PDE10A: variants seen among roughly 807,000 people sequenced by gnomAD.
The protein encoded by PDE10A is cAMP and cAMP-inhibited cGMP 3',5'-cyclic phosphodiesterase 10A.
A neutral mutation model predicts 97.7 loss-of-function variants in PDE10A; 39 were observed. That is an observed-to-expected ratio of 0.40 (90% CI 0.31 to 0.52). The LOEUF (loss-of-function observed/expected upper bound fraction) is 0.52, where lower values mean the gene tolerates loss of function less well. PDE10A is among the 20% of genes least tolerant of loss of function. PDE10A has a pLI of 0.56. For missense variants in PDE10A, 731 were observed against 1,047.8 expected (o/e 0.70, Z 4.17); for synonymous variants, 371 against 376.8 (o/e 0.98, Z 0.18).
At chr6:165,380,823 T>A (rs1352920740) in intron 17 of PDE10A, among the ~76,000 whole-genome samples, 1 of 152,220 alleles carries the variant, frequency 6.6e-6, no homozygotes, top group Non-Finnish European at 1.5e-5. Context: ...GAAGGAAATA[T>A]TGATTCATGC....
intron 1 of PDE10A, among the ~76,000 whole-genome samples, chr6:165,726,986 C>T (rs375790979): frequency 3.3e-5 from 5 of 152,224 alleles, no homozygotes; most frequent in Admixed American, 2.0e-4. Flanking sequence ...CACAGAAACG[C>T]CCCCGTGTCC....
intron 1 of PDE10A, among the ~76,000 whole-genome samples, chr6:165,790,408 G>A (rs766670698): frequency 6.6e-6 from 1 of 152,162 alleles, no homozygotes; most frequent in African/African-American, 2.4e-5. Flanking sequence ...CACTTCTCTG[G>A]GGGAGGAAGT....
intron 1 of PDE10A, among the ~76,000 whole-genome samples, chr6:165,951,418 T>C (rs933923880): frequency 9.2e-5 from 14 of 152,168 alleles, no homozygotes; most frequent in Non-Finnish European, 1.9e-4. Flanking sequence ...TCTGATCTAT[T>C]GGCTAACAGC....
intron 1 of PDE10A, among the ~76,000 whole-genome samples, chr6:165,833,746 A>G (rs1583165150): frequency 6.6e-6 from 1 of 152,240 alleles, no homozygotes; most frequent in Non-Finnish European, 1.5e-5. Flanking sequence ...CAATGGCAGG[A>G]AAGACCAGCC....
At chr6:165,686,185 T>C (rs1195793815) in intron 1 of PDE10A, among the ~76,000 whole-genome samples, 3 of 151,416 alleles carry the variant, frequency 2.0e-5, no homozygotes, top group Non-Finnish European at 4.4e-5. Context: ...GCTGTGTCTT[T>C]AGCATGCAAT....
intron 1 of PDE10A, among the ~76,000 whole-genome samples, chr6:165,744,029 C>T (rs951430623): frequency 6.6e-6 from 1 of 152,022 alleles, no homozygotes; most frequent in Non-Finnish European, 1.5e-5. Context: ...ATCACTTCCC[C>T]CTAATGCCTC....
At chr6:165,736,550 G>C (rs900968460) in intron 1 of PDE10A, among the ~76,000 whole-genome samples, 1 of 152,100 alleles carries the variant, frequency 6.6e-6, no homozygotes, top group Non-Finnish European at 1.5e-5. Flanking sequence ...TCCAGCCCCA[G>C]GCTCTTTGAC....
chr6:165,373,240 A>C (rs937815862), intron 18 of PDE10A, among the ~76,000 whole-genome samples: 5 of 151,252 alleles, frequency 3.3e-5, no homozygotes, highest in African/African-American at 1.2e-4. Flanking sequence ...GGATCTAATT[A>C]AACTAAAGAG....
At chr6:165,894,645 C>G (rs769412127) in intron 1 of PDE10A, 1 of 418,616 alleles carries the variant, frequency 2.4e-6, no homozygotes, top group South Asian at 1.7e-5. Flanking sequence ...GTCTTCCCAC[C>G]GAGCATGGGG....
Position 165,655,918 on chromosome 6 carries a change from A to G in PDE10A, c.865+6029T>C, listed in dbSNP as rs1789931668. ...CTGCCTAGGGTGCTTTTCCCCAGAT[A>G]ACTGCATGGCCGATGACACCTTGTC... On this transcript the variant is annotated intron_variant, in intron 1 of 21. Coordinates refer to ENST00000539869, the MANE Select transcript of PDE10A (RefSeq NM_001385079.1). This position sits in a 1 kb window ranked among gnomAD's most constrained non-coding sequence, Gnocchi z 4.5. Among the ~76,000 whole-genome samples, 1 of 151,830 alleles carries G rather than the reference A, an allele frequency of 6.6e-6. No homozygotes were observed. The highest frequency in any genetic ancestry group is 2.1e-4 in the South Asian group (1 of 4,800).
intron 1 of PDE10A, among the ~76,000 whole-genome samples, chr6:165,972,696 T>G (rs1370250792): frequency 1.3e-5 from 2 of 152,170 alleles, no homozygotes; most frequent in Non-Finnish European, 2.9e-5. Flanking sequence ...GAGAGCCCTT[T>G]AAGGGACAAC....
At chr6:165,765,722 AAG>A (rs1472107812) in intron 1 of PDE10A, among the ~76,000 whole-genome samples, 3 of 152,158 alleles carry the variant, frequency 2.0e-5, no homozygotes, top group African/African-American at 7.2e-5. Flanking sequence ...CCAGCCCAGA[AAG>A]GGGCTCCCAC....
chr6:165,362,518 T>C (rs933869224), intron 18 of PDE10A, among the ~76,000 whole-genome samples: 7 of 152,034 alleles, frequency 4.6e-5, no homozygotes, highest in African/African-American at 1.7e-4. Flanking sequence ...TAAGAAGAAA[T>C]AGTCAATGTG....
intron 1 of PDE10A, among the ~76,000 whole-genome samples, chr6:165,772,343 T>C (rs143067232): frequency 1.3e-3 from 193 of 152,298 alleles, no homozygotes; most frequent in African/African-American, 4.4e-3. Flanking sequence ...CCTAAATTCT[T>C]AGGGCTTATA....
At chr6:165,673,989 A>C (rs1463911676) in intron 1 of PDE10A, among the ~76,000 whole-genome samples, 7 of 42,456 alleles carry the variant, frequency 1.6e-4, no homozygotes, top group Admixed American at 1.0e-3. Flanking sequence ...AAAATTTTTT[A>C]AAGTGTTTCC....
At chr6:165,660,043 C>T (rs1790160914) in intron 1 of PDE10A, 1 of 152,270 alleles carries the variant, frequency 6.6e-6, no homozygotes, top group African/African-American at 2.4e-5. Context: ...CGTTCTTCAA[C>T]CCCTTCCCCA....
At chr6:165,511,640 T>C (rs9459428) in intron 2 of PDE10A, among the ~76,000 whole-genome samples, 9,523 of 152,058 alleles carry the variant, frequency 0.063, 492 homozygotes, top group East Asian at 0.24. Context: ...CTCATTGTAT[T>C]GGAGTGTCTC....
chr6:165,628,129 C>T (rs1184112919), intron 1 of PDE10A, among the ~76,000 whole-genome samples: 1 of 152,148 alleles, frequency 6.6e-6, no homozygotes, highest in African/African-American at 2.4e-5. Context: ...GAATAATGCA[C>T]AGTACAACTC....
At chr6:165,491,373 A>G (rs2128287665) in intron 2 of PDE10A, among the ~76,000 whole-genome samples, 1 of 152,312 alleles carries the variant, frequency 6.6e-6, no homozygotes, top group Non-Finnish European at 1.5e-5. Flanking sequence ...ATGGACTTAA[A>G]CTACATCCTA....
Sources: allele counts gnomAD v4.1 joint callset (sites outside exome capture counted in the v4.1 genomes callset), GRCh38; gene constraint gnomAD v4.1.1; non-coding constraint Gnocchi (gnomAD v3.1); transcripts MANE v1.5; gene names NCBI Gene and HGNC (gene_info 2026-07-23, HGNC 2026-07-21).